The following PAX5 variants were observed in gnomAD, a reference collection of about 807,000 sequenced individuals.
The protein encoded by PAX5 is paired box 5, also known as paired box protein Pax-5.
PAX5 carries 9 observed loss-of-function variants against 43.7 expected under a neutral mutation model. The ratio of observed to expected loss-of-function variants is 0.21; its 90% CI spans 0.12 to 0.36. The LOEUF is 0.36. Ranked by LOEUF, PAX5 falls within the 10% of genes least tolerant of loss-of-function variation. PAX5 has a pLI of 1.00. For missense variants in PAX5, 383 were observed against 532.7 expected, an observed-to-expected ratio of 0.72 and a Z score of 2.77; for synonymous variants, 228 against 214.3, an observed-to-expected ratio of 1.06 and a Z score of -0.56.
chr9:36,988,680 AAAAAAAGAG>A (rs765349641), intron 5 of PAX5, among the ~76,000 whole-genome samples: 967 of 45,718 alleles, frequency 0.021, 1 homozygote, highest in African/African-American at 0.052. Flanking sequence ...AAAAAAAAAA[AAAAAAAGAG>A]AGAGAGAGAG....
chr9:36,855,241 G>A (rs1439005605), intron 8 of PAX5, among the ~76,000 whole-genome samples: 2 of 152,226 alleles, frequency 1.3e-5, no homozygotes, highest in Non-Finnish European at 2.9e-5. Context: ...ACAATTGATC[G>A]GCTCCTGGTG....
chr9:36,982,079 A>G (rs1201559854), intron 5 of PAX5, among the ~76,000 whole-genome samples: 1 of 152,186 alleles, frequency 6.6e-6, no homozygotes, highest in Non-Finnish European at 1.5e-5. Context: ...AGCCTGGCCA[A>G]CATGGCAAAA....
At chr9:36,998,141 C>G (rs1278876095) in intron 5 of PAX5, among the ~76,000 whole-genome samples, 2 of 152,220 alleles carry the variant, frequency 1.3e-5, no homozygotes, top group Non-Finnish European at 2.9e-5. Context: ...AATCTGCCTC[C>G]TGCAGCTTCC....
chr9:37,018,103 T>C (rs1031760426), intron 2 of PAX5, among the ~76,000 whole-genome samples: 1 of 152,172 alleles, frequency 6.6e-6, no homozygotes, highest in Non-Finnish European at 1.5e-5. Flanking sequence ...TTCCCATTCA[T>C]ACAATAGGGG....
chr9:37,024,506 C>A (rs1001703826), intron 1 of PAX5, among the ~76,000 whole-genome samples: 4 of 152,180 alleles, frequency 2.6e-5, no homozygotes, highest in African/African-American at 9.7e-5. Context: ...CCCCCCACTC[C>A]CCATTGCTAG....
chr9:36,863,964 CTGGG>C (rs1824516963), intron 8 of PAX5, among the ~76,000 whole-genome samples: 2 of 152,170 alleles, frequency 1.3e-5, no homozygotes, highest in African/African-American at 2.4e-5. Flanking sequence ...CAAAAATTAG[CTGGG>C]CATGGTGGCA....
At chr9:36,878,562 G>C (rs117692463) in intron 8 of PAX5, among the ~76,000 whole-genome samples, 1 of 152,234 alleles carries the variant, frequency 6.6e-6, no homozygotes, top group East Asian at 1.9e-4. Context: ...TGATGGGTGA[G>C]AGTCCAAGGT....
At chr9:36,886,759 A>C (rs1826938703) in intron 7 of PAX5, among the ~76,000 whole-genome samples, 1 of 152,196 alleles carries the variant, frequency 6.6e-6, no homozygotes, top group South Asian at 2.1e-4. Context: ...ATAAGTTTGC[A>C]AATAACTAAC....
intron 5 of PAX5, among the ~76,000 whole-genome samples, chr9:36,969,378 G>A (rs985810113): frequency 3.9e-5 from 6 of 152,140 alleles, no homozygotes; most frequent in Non-Finnish European, 7.4e-5. Context: ...GGGACTCATG[G>A]GCCAGGCTCT....
chr9:36,910,730 G>A (rs75779541), intron 7 of PAX5, among the ~76,000 whole-genome samples: 2,988 of 152,160 alleles, frequency 0.02, 96 homozygotes, highest in African/African-American at 0.068. Flanking sequence ...AAGAGACTTC[G>A]CCTTTGAGGT....
At position 36,882,129 on chromosome 9, in the gene PAX5, A is replaced by G; in HGVS notation, c.911-24T>C. On this transcript the variant is annotated intron_variant, in intron 7 of 9. Transcript: ENST00000358127. This position sits in a 1 kb window ranked among gnomAD's most constrained non-coding sequence, Gnocchi z 4.4. ...GCCTGAGGAATCAAAGCAACAAATC[A>G]CAGGGTGAGCATCTTCGCGGCCAGC... 1.3e-6 allele frequency: 2 copies of G among 1,554,142 alleles called. No homozygotes were observed. Among genetic ancestry groups the G allele is most frequent in the Non-Finnish European group, 1.8e-6 (2 of 1,141,160 alleles).
intron 1 of PAX5, among the ~76,000 whole-genome samples, chr9:37,033,391 A>C (rs72735680): frequency 6.6e-6 from 1 of 152,352 alleles, no homozygotes; most frequent in Non-Finnish European, 1.5e-5. Context: ...CCAAAAATGG[A>C]AAGGTCAGTG....
intron 6 of PAX5, among the ~76,000 whole-genome samples, chr9:36,965,750 G>A (rs1279474752): frequency 6.6e-6 from 1 of 152,190 alleles, no homozygotes; most frequent in Non-Finnish European, 1.5e-5. Context: ...CACCAGGTGG[G>A]AGCTCTTGGC....
At position 36,978,186 on chromosome 9, in the gene PAX5, G is replaced by A. The variant is rs1312057427; in HGVS notation, c.605-11462C>T. Among the ~76,000 whole-genome samples, 2 of 152,194 alleles carry A rather than the reference G, an allele frequency of 1.3e-5. 1 individual carries two copies. Among genetic ancestry groups the A allele is most frequent in the Admixed American group, 1.3e-4 (2 of 15,286 alleles). ...AGTAATACCTGGTGCATTGCCACAG[G>A]GCAAGTCTGTTCTCTCTAATCCATA... On this transcript the variant is annotated intron_variant, in intron 5 of 9. Coordinates refer to ENST00000358127, the MANE Select transcript of PAX5 (RefSeq NM_016734.3).
At chr9:36,915,914 T>C (rs12348892) in intron 7 of PAX5, among the ~76,000 whole-genome samples, 9 of 151,822 alleles carry the variant, frequency 5.9e-5, no homozygotes, top group African/African-American at 2.2e-4. Context: ...TCTACAAAAA[T>C]AAAAAAATTA....
chr9:36,944,140 C>G (rs757616419), intron 6 of PAX5, among the ~76,000 whole-genome samples: 2 of 152,122 alleles, frequency 1.3e-5, no homozygotes. Flanking sequence ...ACTATGATTG[C>G]ACCACTGCAC....
chr9:37,007,057 G>A (rs1169979191), intron 3 of PAX5, among the ~76,000 whole-genome samples: 4 of 152,176 alleles, frequency 2.6e-5, no homozygotes, highest in African/African-American at 9.7e-5. Flanking sequence ...CTAGGAAGTT[G>A]CCAAGGGAGG....
At chr9:36,859,898 G>A (rs1824034416) in intron 8 of PAX5, among the ~76,000 whole-genome samples, 1 of 152,080 alleles carries the variant, frequency 6.6e-6, no homozygotes, top group Non-Finnish European at 1.5e-5. Context: ...AGCCAGGCAT[G>A]GTGGTGGGCA....
At chr9:37,017,701 T>TA in intron 2 of PAX5, among the ~76,000 whole-genome samples, 1 of 152,302 alleles carries the variant, frequency 6.6e-6, no homozygotes, top group Middle Eastern at 3.4e-3. Flanking sequence ...GGCCCCCACT[T>TA]ACATAGCTGG....
Sources: gnomAD v4.1 joint callset for allele counts (sites outside exome capture counted in the v4.1 genomes callset) on GRCh38, gnomAD v4.1.1 for gene constraint, Gnocchi (gnomAD v3.1) non-coding constraint, MANE v1.5 for transcripts, NCBI Gene and HGNC (gene_info 2026-07-23, HGNC 2026-07-21) for gene names.